Variants in GALNT13 observed in about 807,000 individuals in gnomAD.
GALNT13 encodes UDP-GalNAc:polypeptide N-acetylgalactosaminyltransferase 13.
GALNT13 carries 28 observed loss-of-function variants against 64.2 expected under a neutral mutation model. The ratio of observed to expected loss-of-function variants is 0.44; its 90% CI spans 0.32 to 0.60. The LOEUF (loss-of-function observed/expected upper bound fraction) is 0.60. GALNT13 is among the 20% of genes least tolerant of loss of function. The probability of loss-of-function intolerance (pLI) is 0.05; values close to 1 mark genes in which losing one functional copy is unlikely to be tolerated. For synonymous variants in GALNT13, 214 were observed against 224.6 expected (o/e 0.95, Z 0.42); for missense variants, 577 against 669.8 (o/e 0.86, Z 1.53).
At chr2:153,364,457 A>G in the GALNT13 span, among the ~76,000 whole-genome samples, 76,532 of 152,018 alleles carry the variant, frequency 0.5, 20,042 homozygotes, top group African/African-American at 0.55. Flanking sequence ...CTTTGTTTGC[A>G]GATGACATGA....
At chr2:153,753,531 G>T in the GALNT13 span, among the ~76,000 whole-genome samples, 1 of 152,152 alleles carries the variant, frequency 6.6e-6, no homozygotes, top group East Asian at 1.9e-4. Flanking sequence ...CTAGACCCAG[G>T]AGAATTCTCT....
intron 3 of GALNT13, among the ~76,000 whole-genome samples, chr2:153,948,849 G>T (rs1238471602): frequency 6.6e-6 from 1 of 151,938 alleles, no homozygotes; most frequent in African/African-American, 2.4e-5. Flanking sequence ...CTCTAAGGTG[G>T]AGGGCAGGAG....
At chr2:153,978,499 A>T (rs1167422831) in intron 3 of GALNT13, among the ~76,000 whole-genome samples, 27 of 152,138 alleles carry the variant, frequency 1.8e-4, no homozygotes, top group Admixed American at 1.8e-3. Flanking sequence ...TGGGGAGGTA[A>T]TTGAATCATG....
chr2:154,443,819 C>T (rs1280999388), intron 12 of GALNT13, among the ~76,000 whole-genome samples: 1 of 151,962 alleles, frequency 6.6e-6, no homozygotes. Flanking sequence ...TAATATTTTT[C>T]TTATGTATTT....
chr2:153,840,962 ATTAC>A, the GALNT13 span, among the ~76,000 whole-genome samples: 13,604 of 152,130 alleles, frequency 0.089, 715 homozygotes, highest in African/African-American at 0.12. Context: ...ACCTTCGAAT[ATTAC>A]TTAAGTATTC....
the GALNT13 span, among the ~76,000 whole-genome samples, chr2:153,181,136 G>A: frequency 2.2e-5 from 3 of 137,818 alleles, no homozygotes; most frequent in Non-Finnish European, 4.6e-5. Flanking sequence ...TTTTGATGTA[G>A]GCATTTATTG....
intron 3 of GALNT13, among the ~76,000 whole-genome samples, chr2:153,990,878 T>C (rs1031001997): frequency 1.3e-5 from 2 of 152,200 alleles, no homozygotes; most frequent in African/African-American, 2.4e-5. Context: ...GAGAAGCAGA[T>C]TGAAACACAA....
the GALNT13 span, among the ~76,000 whole-genome samples, chr2:153,483,790 T>G: frequency 6.6e-6 from 1 of 152,098 alleles, no homozygotes; most frequent in East Asian, 1.9e-4. Context: ...ATAAGCCAGA[T>G]AAAAAAGAAT....
chr2:153,272,420 A>G, the GALNT13 span, among the ~76,000 whole-genome samples: 1 of 152,074 alleles, frequency 6.6e-6, no homozygotes, highest in Non-Finnish European at 1.5e-5. Context: ...ACAAGAAAAA[A>G]AAAAACAACC....
At position 154,188,386 on chromosome 2, in the gene GALNT13, T is replaced by C. The variant is rs375189701; in HGVS notation, c.311+47881T>C. Among the ~76,000 whole-genome samples the C allele has an allele frequency of 1.6e-4, 25 of 152,280 alleles. No homozygotes were observed. In the East Asian group the frequency reaches 4.4e-3, roughly 27 times the overall value. ...TATAAGTTTGCACTACAGAGATTCA[T>C]TGTTACAAGATTTTAAAAATCAGGT... On this transcript the variant is annotated intron_variant, in intron 4 of 12. Coordinates refer to ENST00000392825, the MANE Select transcript of GALNT13 (RefSeq NM_052917.4).
chr2:153,441,986 T>G, the GALNT13 span, among the ~76,000 whole-genome samples: 3 of 152,162 alleles, frequency 2.0e-5, no homozygotes, highest in Admixed American at 1.3e-4. Context: ...AATACTATGT[T>G]GAATAGAAGT....
the GALNT13 span, among the ~76,000 whole-genome samples, chr2:153,812,171 G>T: frequency 6.6e-6 from 1 of 152,092 alleles, no homozygotes; most frequent in Non-Finnish European, 1.5e-5. Flanking sequence ...ATAAAATCAT[G>T]CATATTGTAT....
chr2:153,281,181 T>A, the GALNT13 span, among the ~76,000 whole-genome samples: 22 of 152,136 alleles, frequency 1.4e-4, no homozygotes, highest in African/African-American at 4.8e-4. Flanking sequence ...GAATAGTGAC[T>A]CCTGGTATTT....
chr2:153,750,758 A>T, the GALNT13 span, among the ~76,000 whole-genome samples: 33 of 151,740 alleles, frequency 2.2e-4, no homozygotes, highest in East Asian at 2.5e-3. Flanking sequence ...TTTAATTTTT[A>T]AAAAAACAAC....
At chr2:153,655,158 G>C in the GALNT13 span, among the ~76,000 whole-genome samples, 1 of 152,022 alleles carries the variant, frequency 6.6e-6, no homozygotes, top group Non-Finnish European at 1.5e-5. Flanking sequence ...GCACTGCTCT[G>C]ATTTTTCTTA....
At chr2:153,845,099 T>A in the GALNT13 span, among the ~76,000 whole-genome samples, 1 of 152,334 alleles carries the variant, frequency 6.6e-6, no homozygotes, top group Non-Finnish European at 1.5e-5. Flanking sequence ...AACTTTGGCA[T>A]GTTACCAAGT....
At chr2:153,529,816 T>C in the GALNT13 span, among the ~76,000 whole-genome samples, 1 of 152,044 alleles carries the variant, frequency 6.6e-6, no homozygotes, top group Non-Finnish European at 1.5e-5. Context: ...AATGATCCTT[T>C]GAATTGATGC....
chr2:153,667,153 A>G, the GALNT13 span, among the ~76,000 whole-genome samples: 2 of 152,186 alleles, frequency 1.3e-5, no homozygotes, highest in Non-Finnish European at 2.9e-5. Flanking sequence ...GGCCAAACCT[A>G]CAACTCATTG....
intron 3 of GALNT13, among the ~76,000 whole-genome samples, chr2:154,033,708 G>A (rs1190378186): frequency 6.6e-6 from 1 of 152,166 alleles, no homozygotes; most frequent in African/African-American, 2.4e-5. Context: ...GGGATGCTGA[G>A]GCGGTTGGAT....
Sources: allele counts gnomAD v4.1 joint callset (sites outside exome capture counted in the v4.1 genomes callset), GRCh38; gene constraint gnomAD v4.1.1; transcripts MANE v1.5; gene names NCBI Gene and HGNC (gene_info 2026-07-23, HGNC 2026-07-21).